ELL2: variants seen among roughly 807,000 people sequenced by gnomAD.
The protein encoded by ELL2 is RNA polymerase II elongation factor ELL2.
A neutral mutation model predicts 72.8 loss-of-function variants in ELL2; 21 were observed. The observed-to-expected ratio is 0.29, with a 90% confidence interval of 0.20 to 0.42. The LOEUF is 0.42. ELL2 is among the 10% of genes least tolerant of loss of function. The pLI is 1.00. For synonymous variants in ELL2, 266 were observed against 283.2 expected, an observed-to-expected ratio of 0.94 and a Z score of 0.61; for missense variants, 568 against 772.8, an observed-to-expected ratio of 0.73 and a Z score of 3.14.
rs548093512 is a variant in ELL2 at position 95,923,489 on chromosome 5, T to C, written c.196-3944A>G. On this transcript the variant is annotated intron_variant, in intron 2 of 11. Coordinates refer to ENST00000237853, the MANE Select transcript of ELL2 (RefSeq NM_012081.6). ...CAGGGGCAGGCATCAGGGCAAATAG[T>C]GTTCACTTTGGGACCAAAGGGTGAC... 3.2e-4 allele frequency among the ~76,000 whole-genome samples: 49 copies of C among 152,314 alleles called. 1 individual carries two copies. Among genetic ancestry groups the C allele is most frequent in the African/African-American group, 1.1e-3 (44 of 41,574 alleles).
intron 2 of ELL2, among the ~76,000 whole-genome samples, chr5:95,922,844 T>C (rs1166522471): frequency 6.6e-6 from 1 of 152,244 alleles, no homozygotes; most frequent in Non-Finnish European, 1.5e-5. Context: ...TGCTATGTAC[T>C]CACCAAAGTG....
At position 95,886,595 on chromosome 5, in the gene ELL2, T is replaced by C. The variant is rs1265722001; in HGVS notation, c.*2276A>G. 1 of 151,110 alleles carries C rather than the reference T, an allele frequency of 6.6e-6. No individual in the cohort carries two copies. The highest frequency in any genetic ancestry group is 1.5e-5 in the Non-Finnish European group (1 of 67,898). 9.4% of individuals were successfully genotyped at this position (151,110 alleles called of 1,614,324 possible). On this transcript the variant is annotated 3_prime_UTR_variant, in exon 12 of 12. Coordinates refer to ENST00000237853, the MANE Select transcript of ELL2 (RefSeq NM_012081.6). ...AAACAAGAGTTGGCAGTGAAACAAC[T>C]GAGGAGGTGCCTCAGATCATGCAAA...
chr5:95,930,785 C>T (rs1330652473), intron 2 of ELL2, among the ~76,000 whole-genome samples: 1 of 152,114 alleles, frequency 6.6e-6, no homozygotes, highest in Non-Finnish European at 1.5e-5. Context: ...CTATGCTAAA[C>T]AAGGAGAAAC....
At chr5:95,912,061 T>A (rs1244891967) in intron 4 of ELL2, among the ~76,000 whole-genome samples, 1 of 152,220 alleles carries the variant, frequency 6.6e-6, no homozygotes, top group South Asian at 2.1e-4. Flanking sequence ...CCAAAATGTA[T>A]GTAAATTATT....
chr5:95,951,957 T>C (rs374405650), intron 1 of ELL2, among the ~76,000 whole-genome samples: 9 of 152,224 alleles, frequency 5.9e-5, no homozygotes, highest in African/African-American at 2.2e-4. Flanking sequence ...TAGAGAGTTC[T>C]GCCACTTACT....
rs1007964292 is a variant in ELL2, at chr5:95,906,414, C to G, written c.741+109G>C. On this transcript the variant is annotated intron_variant, in intron 5 of 11. Coordinates refer to ENST00000237853, the MANE Select transcript of ELL2 (RefSeq NM_012081.6). ...TCACATACCACTGATCAAAATAATC[C>G]TAAAATTTCTCTATCTCAATAATAA... is the stretch of plus-strand genomic sequence containing the variant. 4.9e-6 allele frequency: 6 copies of G among 1,234,474 alleles called. No homozygotes were observed. The African/African-American group carries it at 9.1e-5, about 19-fold the overall frequency. The allele number at this position is 1,234,474 out of a possible 1,614,324, so 76.5% of individuals were successfully genotyped here.
chr5:95,891,856 G>A (rs967264307), intron 9 of ELL2, among the ~76,000 whole-genome samples: 1 of 152,130 alleles, frequency 6.6e-6, no homozygotes, highest in Admixed American at 6.5e-5. Flanking sequence ...GCAAATACAT[G>A]AAACACAAAA....
intron 2 of ELL2, among the ~76,000 whole-genome samples, chr5:95,927,751 GTGTATATAGACATACACACACACATA>G (rs1750430361): frequency 1.1e-5 from 1 of 88,898 alleles, no homozygotes; most frequent in Non-Finnish European, 2.0e-5. Flanking sequence ...ACACATATGT[GTGTATATAGACATACACACACACATA>G]TGTGTGTATA....
At chr5:95,907,224 C>T (rs1159381985) in intron 4 of ELL2, among the ~76,000 whole-genome samples, 1 of 148,892 alleles carries the variant, frequency 6.7e-6, no homozygotes, top group African/African-American at 2.5e-5. Context: ...TAATTTCACA[C>T]GTTCAGAAGC....
intron 9 of ELL2, among the ~76,000 whole-genome samples, chr5:95,894,644 G>C (rs905486535): frequency 6.6e-6 from 1 of 152,150 alleles, no homozygotes; most frequent in African/African-American, 2.4e-5. Context: ...ACTCAGCAAG[G>C]TTTCTCAAGT....
chr5:95,945,752 A>G (rs747672774), intron 1 of ELL2, among the ~76,000 whole-genome samples: 24 of 152,206 alleles, frequency 1.6e-4, no homozygotes, highest in Non-Finnish European at 3.4e-4. Context: ...AAAAGCAAGA[A>G]GACAGGAATG....
intron 2 of ELL2, among the ~76,000 whole-genome samples, chr5:95,922,648 C>A (rs997978588): frequency 6.9e-6 from 1 of 144,106 alleles, no homozygotes; most frequent in African/African-American, 3.0e-5. Flanking sequence ...AAATAATTAT[C>A]TTTCTATGCA....
intron 8 of ELL2, among the ~76,000 whole-genome samples, chr5:95,897,912 T>C (rs1166492092): frequency 6.6e-6 from 1 of 152,148 alleles, no homozygotes; most frequent in Non-Finnish European, 1.5e-5. Context: ...AAGAATGGCA[T>C]ATAATAGGTC....
chr5:95,899,217 A>T (rs1332086591), intron 7 of ELL2, among the ~76,000 whole-genome samples: 1 of 152,174 alleles, frequency 6.6e-6, no homozygotes, highest in Non-Finnish European at 1.5e-5. Flanking sequence ...GCTGTGGTTG[A>T]CCTAGTTATA....
At chr5:95,924,301 G>T (rs1035420761) in intron 2 of ELL2, among the ~76,000 whole-genome samples, 1 of 152,146 alleles carries the variant, frequency 6.6e-6, no homozygotes, top group African/African-American at 2.4e-5. Flanking sequence ...CATGAAATAC[G>T]AGGAGGAGGA....
intron 5 of ELL2, among the ~76,000 whole-genome samples, chr5:95,905,694 A>T (rs1035976541): frequency 6.6e-6 from 1 of 152,138 alleles, no homozygotes; most frequent in African/African-American, 2.4e-5. Context: ...GATAATGGAT[A>T]AAAAAATAGA....
In ELL2 at chr5:95,886,083, T is replaced by G. The variant is rs938306246; in HGVS notation, c.*2788A>C. The G allele has an allele frequency of 6.6e-6, 1 of 152,164 alleles. No homozygotes were observed. Among genetic ancestry groups the G allele is most frequent in the African/African-American group, 2.4e-5 (1 of 41,432 alleles). 9.4% of individuals were successfully genotyped at this position (152,164 alleles called of 1,614,324 possible). A position where few individuals can be genotyped will look rare whatever the true frequency, so the allele number is the denominator to read the frequency against. Reference sequence around the variant, plus strand: ...ATAGAAAAAACTATACAACTCATTCTCTAATCTTGCTATTTTTCACACCAT... The same window carrying G: ...ATAGAAAAAACTATACAACTCATTCGCTAATCTTGCTATTTTTCACACCAT... On this transcript the variant is annotated 3_prime_UTR_variant, in exon 12 of 12. Transcript: ENST00000237853.
At position 95,887,903 on chromosome 5, in the gene ELL2, A is replaced by C. The variant is rs1561485580; in HGVS notation, c.*968T>G. ...CATGACATATCAATTTTTGCCCAAC[A>C]TTAATAAAGCTGACAAACTCGTTGA... On this transcript the variant is annotated 3_prime_UTR_variant, in exon 12 of 12. Coordinates refer to ENST00000237853, the MANE Select transcript of ELL2 (RefSeq NM_012081.6). 6.6e-6 allele frequency: 1 copy of C among 152,482 alleles called. No individual in the cohort carries two copies. The highest frequency in any genetic ancestry group is 1.5e-5 in the Non-Finnish European group (1 of 68,032). 9.4% of individuals were successfully genotyped at this position (152,482 alleles called of 1,614,324 possible). A position where few individuals can be genotyped will look rare whatever the true frequency, so the allele number is the denominator to read the frequency against.
At chr5:95,940,160 C>G (rs1750919316) in intron 2 of ELL2, among the ~76,000 whole-genome samples, 1 of 152,138 alleles carries the variant, frequency 6.6e-6, no homozygotes, top group Non-Finnish European at 1.5e-5. Flanking sequence ...TTTCTGAGCA[C>G]CTTTTTCCAT....
Sources: gnomAD v4.1 joint callset for allele counts (sites outside exome capture counted in the v4.1 genomes callset) on GRCh38, gnomAD v4.1.1 for gene constraint, MANE v1.5 for transcripts, NCBI Gene and HGNC (gene_info 2026-07-23, HGNC 2026-07-21) for gene names.